The following RIPOR2 variants were observed in gnomAD, a reference collection of about 807,000 sequenced individuals.
RIPOR2 encodes rho family-interacting cell polarization regulator 2.
RIPOR2 carries 39 observed loss-of-function variants against 114.5 expected under a neutral mutation model. The ratio of observed to expected loss-of-function variants is 0.34; its 90% CI spans 0.26 to 0.44. The LOEUF is 0.44. Ranked by LOEUF, RIPOR2 falls within the 20% of genes least tolerant of loss-of-function variation. RIPOR2 has a pLI of 1.00. For missense variants in RIPOR2, 1,007 were observed against 1,255.1 expected (o/e 0.80, Z 2.99); for synonymous variants, 445 against 484.4 (o/e 0.92, Z 1.07).
At chr6:25,001,808 T>C (rs1459832013) in intron 1 of RIPOR2, among the ~76,000 whole-genome samples, 1 of 149,452 alleles carries the variant, frequency 6.7e-6, no homozygotes, top group Non-Finnish European at 1.5e-5. Flanking sequence ...TAAGTGATTC[T>C]CCTGCCTCAG....
At chr6:24,911,361 G>A (rs753125433) in intron 1 of RIPOR2, among the ~76,000 whole-genome samples, 6 of 152,124 alleles carry the variant, frequency 3.9e-5, no homozygotes, top group Non-Finnish European at 7.4e-5. Context: ...CCAGCGCGCT[G>A]GAGGGAGAGG....
At chr6:25,012,461 A>G (rs1167963929) in intron 1 of RIPOR2, among the ~76,000 whole-genome samples, 3 of 152,250 alleles carry the variant, frequency 2.0e-5, no homozygotes, top group Non-Finnish European at 4.4e-5. Flanking sequence ...ATAGCCAAAA[A>G]GAAACAACCT....
intron 13 of RIPOR2, 61 bp from the exon 14 acceptor site, chr6:24,839,333 A>G: frequency 6.7e-7 from 1 of 1,486,898 alleles, no homozygotes. Flanking sequence ...AACCAGACAC[A>G]CGATGCTCAA....
At chr6:24,979,433 C>T (rs1774206262) in intron 1 of RIPOR2, among the ~76,000 whole-genome samples, 1 of 152,052 alleles carries the variant, frequency 6.6e-6, no homozygotes, top group South Asian at 2.1e-4. Context: ...AGAAATGTGT[C>T]TTCTGCAAAC....
chr6:25,030,551 G>A (rs981080060), intron 1 of RIPOR2, among the ~76,000 whole-genome samples: 1 of 152,214 alleles, frequency 6.6e-6, no homozygotes, highest in Non-Finnish European at 1.5e-5. Flanking sequence ...ACTCAGCAAT[G>A]AAGAGGAACA....
intron 1 of RIPOR2, among the ~76,000 whole-genome samples, chr6:24,928,026 T>C (rs1771095233): frequency 6.6e-6 from 1 of 152,202 alleles, no homozygotes; most frequent in Admixed American, 6.5e-5. Context: ...TTTACTCAGA[T>C]TGTAGAATGC....
intron 1 of RIPOR2, among the ~76,000 whole-genome samples, chr6:25,033,746 A>G (rs1777109454): frequency 6.6e-6 from 1 of 152,234 alleles, no homozygotes; most frequent in Admixed American, 6.5e-5. Context: ...CACATCCTGT[A>G]GGTACTTGTT....
At chr6:24,970,577 G>T (rs1773739353) in intron 1 of RIPOR2, among the ~76,000 whole-genome samples, 1 of 152,162 alleles carries the variant, frequency 6.6e-6, no homozygotes, top group African/African-American at 2.4e-5. Context: ...TTGGTAATCT[G>T]TGGGGAACCC....
intron 1 of RIPOR2, among the ~76,000 whole-genome samples, chr6:24,888,389 C>T (rs987339620): frequency 5.3e-5 from 8 of 152,198 alleles, no homozygotes; most frequent in African/African-American, 1.4e-4. Context: ...TACTTCAGAA[C>T]AGCATCAAAA....
At chr6:24,980,574 G>A (rs1774244911) in intron 1 of RIPOR2, among the ~76,000 whole-genome samples, 1 of 152,172 alleles carries the variant, frequency 6.6e-6, no homozygotes. Context: ...TTGTGAATTA[G>A]GAAGGCAGTT....
chr6:24,885,907 T>C (rs1351871063), intron 1 of RIPOR2, among the ~76,000 whole-genome samples: 6 of 152,220 alleles, frequency 3.9e-5, no homozygotes. Context: ...TTTTTGAAGA[T>C]AGCAATTTTT....
chr6:24,989,773 G>A (rs538926168), intron 1 of RIPOR2, among the ~76,000 whole-genome samples: 12 of 151,924 alleles, frequency 7.9e-5, no homozygotes, highest in East Asian at 1.9e-4. Flanking sequence ...GGCTGGGCGC[G>A]GTGATCCCAG....
At chr6:25,020,685 T>C (rs1776275943) in intron 1 of RIPOR2, among the ~76,000 whole-genome samples, 1 of 152,070 alleles carries the variant, frequency 6.6e-6, no homozygotes, top group African/African-American at 2.4e-5. Flanking sequence ...ATCTCTGCCT[T>C]CCCCTCTTAT....
At chr6:25,005,922 A>G (rs949138861) in intron 1 of RIPOR2, among the ~76,000 whole-genome samples, 4 of 151,690 alleles carry the variant, frequency 2.6e-5, no homozygotes, top group African/African-American at 9.7e-5. Context: ...AAGCAATAGA[A>G]CATTCAGAAA....
chr6:24,838,789 G>A (rs981805833), intron 14 of RIPOR2, among the ~76,000 whole-genome samples: 3 of 151,790 alleles, frequency 2.0e-5, no homozygotes, highest in Non-Finnish European at 2.9e-5. Flanking sequence ...GCAAGACTAC[G>A]TCTTAAAAAA....
At chr6:24,894,652 C>T (rs191634626) in intron 1 of RIPOR2, among the ~76,000 whole-genome samples, 30 of 152,318 alleles carry the variant, frequency 2.0e-4, no homozygotes, top group African/African-American at 6.0e-4. Context: ...TGTCTCACTA[C>T]GACCTCCTGT....
chr6:24,973,562 A>G (rs371786912), intron 1 of RIPOR2, among the ~76,000 whole-genome samples: 32 of 148,894 alleles, frequency 2.1e-4, no homozygotes, highest in Admixed American at 6.8e-4. Context: ...ACACCACTGC[A>G]CTCTAGCCTA....
chr6:24,880,126 T>A (rs1013870467), intron 1 of RIPOR2, among the ~76,000 whole-genome samples: 4 of 152,234 alleles, frequency 2.6e-5, no homozygotes, highest in South Asian at 4.1e-4. Context: ...ACAGGGCACT[T>A]CTTTGATAGC....
chr6:24,977,736 T>G (rs562859126), intron 1 of RIPOR2, among the ~76,000 whole-genome samples: 1 of 152,202 alleles, frequency 6.6e-6, no homozygotes, highest in Admixed American at 6.5e-5. Flanking sequence ...TCTGTAAACA[T>G]CTGGCTCTTG....
Sources: gnomAD v4.1 joint callset for allele counts (sites outside exome capture counted in the v4.1 genomes callset) on GRCh38, gnomAD v4.1.1 for gene constraint, MANE v1.5 for transcripts, NCBI Gene and HGNC (gene_info 2026-07-23, HGNC 2026-07-21) for gene names.